Variants in NUP35 observed in about 807,000 individuals in gnomAD.
The protein encoded by NUP35 is nucleoporin NUP35.
Under a neutral mutation model 41.5 loss-of-function variants are expected in NUP35, and 25 were observed. The observed-to-expected ratio is 0.60, with a 90% CI of 0.44 to 0.84. The LOEUF (loss-of-function observed/expected upper bound fraction) is 0.84, where lower values mean the gene tolerates loss of function less well. NUP35 is among the 40% of genes least tolerant of loss of function. The pLI is 0.00. For synonymous variants in NUP35, 149 were observed against 130.7 expected (o/e 1.14, Z -0.96); for missense variants, 396 against 396.6 (o/e 1.00, Z 0.01).
chr2:183,138,269 A>ATATATATATATATATATATATATTT, intron 4 of NUP35, among the ~76,000 whole-genome samples: 12 of 80,676 alleles, frequency 1.5e-4, no homozygotes, highest in African/African-American at 6.8e-4. Flanking sequence ...ATATATATAT[A>ATATATATATATATATATATATATTT]TTTTTTTTTT....
At chr2:183,138,877 C>CA (rs1327961227) in intron 4 of NUP35, among the ~76,000 whole-genome samples, 1 of 152,146 alleles carries the variant, frequency 6.6e-6, no homozygotes, top group Non-Finnish European at 1.5e-5. Context: ...GCAAGGACCT[C>CA]AGAGTTTTGA....
chr2:183,145,562 T>C (rs924202818), intron 4 of NUP35, among the ~76,000 whole-genome samples: 1 of 152,156 alleles, frequency 6.6e-6, no homozygotes, highest in Admixed American at 6.5e-5. Flanking sequence ...CCCCATACAT[T>C]TGTACAAATA....
intron 5 of NUP35, among the ~76,000 whole-genome samples, chr2:183,156,098 G>A (rs979886160): frequency 1.3e-5 from 2 of 152,144 alleles, no homozygotes; most frequent in Non-Finnish European, 2.9e-5. Context: ...CTGCTATAGA[G>A]TACTAGAATG....
intron 5 of NUP35, among the ~76,000 whole-genome samples, chr2:183,153,691 G>A (rs79481531): frequency 4.6e-5 from 7 of 152,230 alleles, no homozygotes; most frequent in Middle Eastern, 3.4e-3. Context: ...CTGTTTTCCC[G>A]TGCTGGCATT....
chr2:183,157,644 T>A (rs1441291522), intron 6 of NUP35, 131 bp downstream of exon 6: 1 of 632,890 alleles, frequency 1.6e-6, no homozygotes, highest in Non-Finnish European at 2.8e-6. Context: ...ATATAATACA[T>A]CCTTTGAAGT....
At chr2:183,132,761 G>A (rs1455594799) in intron 3 of NUP35, among the ~76,000 whole-genome samples, 1 of 152,100 alleles carries the variant, frequency 6.6e-6, no homozygotes, top group African/African-American at 2.4e-5. Context: ...GAATATTATT[G>A]CTAGATTAGA....
intron 8 of NUP35, chr2:183,160,322 T>A (rs1193784758): frequency 6.6e-6 from 1 of 152,204 alleles, no homozygotes; most frequent in Non-Finnish European, 1.5e-5. Context: ...CTAGAACTGT[T>A]TTTTTCTTTA....
chr2:183,159,734 G>C, intron 8 of NUP35, 82 bp downstream of exon 8: 2 of 1,107,490 alleles, frequency 1.8e-6, no homozygotes, highest in Non-Finnish European at 2.7e-6. Flanking sequence ...GTATTGATTT[G>C]TATGCCATTA....
chr2:183,158,970 G>C (rs990089911), intron 7 of NUP35, among the ~76,000 whole-genome samples: 1 of 152,036 alleles, frequency 6.6e-6, no homozygotes, highest in African/African-American at 2.4e-5. Context: ...AAGTATATGT[G>C]AACTTGTACT....
At chr2:183,129,318 A>T (rs962232045) in intron 2 of NUP35, among the ~76,000 whole-genome samples, 1 of 152,226 alleles carries the variant, frequency 6.6e-6, no homozygotes, top group African/African-American at 2.4e-5. Flanking sequence ...GAAATACTTT[A>T]AAAAATGACT....
At position 183,125,762 on chromosome 2, in the gene NUP35, A is replaced by G. The variant is rs190214435; in HGVS notation, c.40+1265A>G. ...CCTTGCCAGAAATCTGACATTAGCC[A>G]GTATTAATGTTTAAGTCCACATTTT... is the stretch of plus-strand genomic sequence containing the variant. On this transcript the variant is annotated intron_variant, in intron 1 of 8. Transcript: ENST00000295119. 2.2e-3 allele frequency among the ~76,000 whole-genome samples: 337 copies of G among 152,346 alleles called. 2 individuals carry two copies. Among genetic ancestry groups the G allele is most frequent in the African/African-American group, 7.6e-3 (315 of 41,576 alleles).
intron 4 of NUP35, among the ~76,000 whole-genome samples, chr2:183,151,135 A>G (rs1685456405): frequency 6.6e-6 from 1 of 152,202 alleles, no homozygotes; most frequent in African/African-American, 2.4e-5. Context: ...TCTGTGGGTA[A>G]TACATTTTTA....
chr2:183,124,766 C>T (rs565432421), intron 1 of NUP35, among the ~76,000 whole-genome samples: 1 of 152,300 alleles, frequency 6.6e-6, no homozygotes, highest in Admixed American at 6.5e-5. Flanking sequence ...TGCCCCCACA[C>T]GCCAGCCACG....
upstream of NUP35, among the ~76,000 whole-genome samples, chr2:183,121,539 G>T (rs1700067177): frequency 6.6e-6 from 1 of 152,050 alleles, no homozygotes; most frequent in Admixed American, 6.6e-5. Flanking sequence ...AATTTAAAAA[G>T]TAAAGAAAAT....
At chr2:183,157,019 A>G (rs546145706) in intron 5 of NUP35, among the ~76,000 whole-genome samples, 2 of 152,312 alleles carry the variant, frequency 1.3e-5, no homozygotes, top group African/African-American at 4.8e-5. Context: ...TTTTTAAGTG[A>G]TGCTCAATGT....
chr2:183,154,380 G>A (rs1685575726), intron 5 of NUP35, among the ~76,000 whole-genome samples: 1 of 152,134 alleles, frequency 6.6e-6, no homozygotes, highest in African/African-American at 2.4e-5. Flanking sequence ...TTTATGCTGT[G>A]TTTCCCCTTT....
upstream of NUP35, chr2:183,124,373 G>A: frequency 6.2e-6 from 10 of 1,612,524 alleles, no homozygotes; most frequent in Middle Eastern, 1.7e-4. Context: ...CCATAAGGTA[G>A]CACGCCGTTA....
At chr2:183,118,430 T>A (rs1700018646) in intron 1 of NUP35, 1 of 152,178 alleles carries the variant, frequency 6.6e-6, no homozygotes, top group African/African-American at 2.4e-5. Context: ...TATAAACAGG[T>A]CTTCATTTTA....
intron 8 of NUP35, 99 bp downstream of exon 8, chr2:183,159,751 TCCTGTGGAGGCTATTA>T: frequency 1.1e-6 from 1 of 937,152 alleles, no homozygotes; most frequent in Non-Finnish European, 1.6e-6. Context: ...ATTAAATGTT[TCCTGTGGAGGCTATTA>T]CCTTGATGAA....
Sources: allele counts gnomAD v4.1 joint callset (sites outside exome capture counted in the v4.1 genomes callset), GRCh38; gene constraint gnomAD v4.1.1; transcripts MANE v1.5; gene names NCBI Gene and HGNC (gene_info 2026-07-23, HGNC 2026-07-21).